Variants in GRK4 observed in about 807,000 individuals in gnomAD.
The protein encoded by GRK4 is G protein-coupled receptor kinase 4, also known as G protein-coupled receptor kinase 2-like.
In GRK4, 73 loss-of-function variants were observed where a neutral mutation model predicts 77.9. That is an observed-to-expected ratio of 0.94 (90% CI 0.78 to 1.14). GRK4 has a LOEUF of 1.14. Ranked by LOEUF, GRK4 falls within the 50% of genes most tolerant of loss-of-function variation. GRK4 has a pLI of 0.00. For synonymous variants in GRK4, 257 were observed against 254.4 expected (o/e 1.01, Z -0.10); for missense variants, 729 against 700.2 (o/e 1.04, Z -0.46).
Position 3,027,999 on chromosome 4 carries a change from T to A in GRK4, c.1058T>A (p.Met353Lys). Residue 353 changes from methionine (M) to lysine (K), a missense_variant and splice_region_variant, in exon 11 of 16, where the codon ATG becomes AAG. Met to Lys is a moderately conservative substitution (Grantham distance 95, BLOSUM62 -1). Transcript: ENST00000398052. ...VRGRVGTVGY[M>K]APEVVNNEKY... is the part of the protein sequence containing the mutation. The stretch of plus-strand genomic sequence containing the variant: ...GGAAGAGTTGGAACAGTCGGCTACA[T>A]GGGTTCGTGAGAGGCTTTCGGCGTC... The A allele has an allele frequency of 6.2e-7, 1 of 1,614,010 alleles. No individual in the cohort carries two copies.
chr4:3,036,369 CT>C (rs1740644627), intron 13 of GRK4, among the ~76,000 whole-genome samples: 1 of 152,262 alleles, frequency 6.6e-6, no homozygotes, highest in African/African-American at 2.4e-5. Flanking sequence ...CCACTTCCGC[CT>C]CCCCACCTTG....
At chr4:3,011,291 A>G (rs367619662) in intron 7 of GRK4, among the ~76,000 whole-genome samples, 5 of 152,324 alleles carry the variant, frequency 3.3e-5, no homozygotes, top group African/African-American at 1.2e-4. Flanking sequence ...CTATTGTGAA[A>G]GACCTGGTGC....
At chr4:3,001,089 A>ATATATATATATATATATATATG in intron 4 of GRK4, among the ~76,000 whole-genome samples, 1 of 82,428 alleles carries the variant, frequency 1.2e-5, no homozygotes, top group African/African-American at 5.8e-5. Flanking sequence ...ATATATATAT[A>ATATATATATATATATATATATG]TGTGTGTGTG....
At chr4:3,028,135 A>T in intron 11 of GRK4, 134 bp downstream of exon 11, 3 of 727,998 alleles carry the variant, frequency 4.1e-6, no homozygotes, top group Non-Finnish European at 4.8e-6. Context: ...TGGTGTTTTG[A>T]ATCTCTAACC....
At chr4:3,030,991 G>A (rs777891031) in intron 12 of GRK4, among the ~76,000 whole-genome samples, 12 of 152,132 alleles carry the variant, frequency 7.9e-5, no homozygotes, top group African/African-American at 2.7e-4. Flanking sequence ...CGCAGACCTC[G>A]GTGATGGCAG....
chr4:3,028,380 A>G (rs1738206093), intron 11 of GRK4, among the ~76,000 whole-genome samples: 1 of 152,246 alleles, frequency 6.6e-6, no homozygotes, highest in Admixed American at 6.5e-5. Context: ...GGGCAGTGCC[A>G]GCCAACCCCC....
rs1258301137 is a variant in GRK4, at chr4:3,013,825, C to T, written c.738C>T (p.Phe246=). 3.1e-6 allele frequency: 5 copies of T among 1,607,514 alleles called. No individual in the cohort carries two copies. Among genetic ancestry groups the T allele is most frequent in the African/African-American group, 1.3e-5 (1 of 74,342 alleles). Residue 246 remains phenylalanine (F), a synonymous_variant, in exon 8 of 16, where the codon TTC becomes TTT. Coordinates refer to ENST00000398052, the MANE Select transcript of GRK4 (RefSeq NM_182982.3). ...TTCTGGAGAAAGTGCAAAGTAGATT[C>T]GTAGTAAGTGTCTCCTCTTAGTCTT... The part of the protein sequence containing the change: ...KRILEKVQSR[F]VVSLAYAYET...
intron 8 of GRK4, among the ~76,000 whole-genome samples, chr4:3,018,031 G>T (rs140752798): frequency 1.3e-5 from 2 of 150,336 alleles, no homozygotes; most frequent in African/African-American, 4.9e-5. Flanking sequence ...AAGAAAAAAG[G>T]TTAAAAAAAA....
At chr4:3,030,250 T>A (rs1738770712) in intron 12 of GRK4, among the ~76,000 whole-genome samples, 1 of 152,066 alleles carries the variant, frequency 6.6e-6, no homozygotes, top group African/African-American at 2.4e-5. Context: ...AGCAAGGAGA[T>A]GAGCCCCAAG....
At chr4:3,016,033 C>T (rs551363964) in intron 8 of GRK4, among the ~76,000 whole-genome samples, 102 of 151,250 alleles carry the variant, frequency 6.7e-4, no homozygotes, top group Middle Eastern at 6.8e-3. Context: ...CTCAGCCTCC[C>T]GAGTAGCTGG....
In GRK4 at chr4:3,019,844, CT is replaced by C. The variant is rs1735584179; in HGVS notation, c.932+14del. The C allele has an allele frequency of 3.7e-6, 6 of 1,604,556 alleles. No individual in the cohort carries two copies. The highest frequency in any genetic ancestry group is 1.3e-5 in the African/African-American group (1 of 74,680). On this transcript the variant is annotated intron_variant, in intron 9 of 15. Transcript: ENST00000398052. ...GAATTGTATACAGGTAAGAACGGTG[CT>C]ACCTAATGGAGCCTGCAAGTCTTGG...
intron 10 of GRK4, among the ~76,000 whole-genome samples, chr4:3,024,264 T>C (rs2110009919): frequency 6.6e-6 from 1 of 152,296 alleles, no homozygotes; most frequent in South Asian, 2.1e-4. Flanking sequence ...TTTAAAGTTC[T>C]TTTTAAGGTC....
At position 2,964,038 on chromosome 4, in the gene GRK4, C is replaced by T. The variant is rs747337441; in HGVS notation, c.-33C>T. On this transcript the variant is annotated 5_prime_UTR_variant, in exon 1 of 16. Coordinates refer to ENST00000398052, the MANE Select transcript of GRK4 (RefSeq NM_182982.3). ...TCCGCCTCCTCAGTCTCCTCGGTCT[C>T]GCAGAATCCGCCGGCGGCGGCGGCG... 2 of 1,595,104 alleles carry T rather than the reference C, an allele frequency of 1.3e-6. No individual in the cohort carries two copies. The highest frequency in any genetic ancestry group is 1.4e-5 in the African/African-American group (1 of 73,616).
At chr4:2,965,133 A>C (rs887686309) in intron 1 of GRK4, 2 of 609,714 alleles carry the variant, frequency 3.3e-6, no homozygotes, top group Non-Finnish European at 5.9e-6. Context: ...GCTTATAAAA[A>C]TCCTGCTTAG....
chr4:3,001,691 C>G (rs1011355061), intron 4 of GRK4, among the ~76,000 whole-genome samples: 3 of 152,064 alleles, frequency 2.0e-5, no homozygotes, highest in African/African-American at 4.8e-5. Flanking sequence ...TGAAATGCCT[C>G]AAATGTATTA....
intron 12 of GRK4, among the ~76,000 whole-genome samples, chr4:3,030,974 A>C (rs1309630983): frequency 6.6e-6 from 1 of 152,162 alleles, no homozygotes; most frequent in Non-Finnish European, 1.5e-5. Context: ...GGTGAGAGTA[A>C]AGGTGACGCA....
intron 7 of GRK4, among the ~76,000 whole-genome samples, chr4:3,012,359 C>T (rs2109902573): frequency 6.6e-6 from 1 of 152,244 alleles, no homozygotes; most frequent in East Asian, 1.9e-4. Context: ...CCATGAAAGG[C>T]TGGAGTGGTG....
At chr4:3,001,738 G>T (rs1729896068) in intron 4 of GRK4, among the ~76,000 whole-genome samples, 1 of 152,090 alleles carries the variant, frequency 6.6e-6, no homozygotes, top group African/African-American at 2.4e-5. Flanking sequence ...ATGATTAATT[G>T]TGATAATATT....
intron 11 of GRK4, among the ~76,000 whole-genome samples, chr4:3,028,205 G>A (rs1191875839): frequency 4.6e-5 from 7 of 152,304 alleles, no homozygotes; most frequent in Admixed American, 6.5e-5. Flanking sequence ...TTACAGATGA[G>A]GGGTGAGGCC....
Sources: gnomAD v4.1 joint callset for allele counts (sites outside exome capture counted in the v4.1 genomes callset) on GRCh38, gnomAD v4.1.1 for gene constraint, MANE v1.5 for transcripts, NCBI Gene and HGNC (gene_info 2026-07-23, HGNC 2026-07-21) for gene names.